PTK7: variants seen among roughly 807,000 people sequenced by gnomAD.
PTK7 encodes the protein inactive tyrosine-protein kinase 7.
PTK7 carries 39 observed loss-of-function variants against 116.6 expected under a neutral mutation model. That is an observed-to-expected ratio of 0.33 (90% CI 0.26 to 0.44). The LOEUF (loss-of-function observed/expected upper bound fraction) is 0.44. Ranked by LOEUF, PTK7 falls within the 20% of genes least tolerant of loss-of-function variation. The pLI, the probability that PTK7 is intolerant of heterozygous loss-of-function variation, is 1.00. For synonymous variants in PTK7, 546 were observed against 563.6 expected (o/e 0.97, Z 0.44); for missense variants, 1,169 against 1,425.6 (o/e 0.82, Z 2.90).
intron 1 of PTK7, among the ~76,000 whole-genome samples, chr6:43,110,334 G>A (rs1442227954): frequency 6.6e-6 from 1 of 151,592 alleles, no homozygotes; most frequent in East Asian, 1.9e-4. Flanking sequence ...TTTGTTTTGA[G>A]AACTCTTCAT....
chr6:43,139,203 C>T lies in PTK7; in HGVS notation c.1430C>T (p.Thr477Ile). 6.2e-7 allele frequency: 1 copy of T among 1,614,210 alleles called. No individual in the cohort carries two copies. Among genetic ancestry groups the T allele is most frequent in the Non-Finnish European group, 8.5e-7 (1 of 1,180,038 alleles). ...AACAGCGTGGAGGTGTATGATGGGA[C>T]ATGGTACCGTTGTATGAGCAGCACC... ...RINSVEVYDGTWYRCMSSTPA... is the reference protein window; with the variant it reads ...RINSVEVYDGIWYRCMSSTPA... The change falls in exon 9 of 20, where the codon ACA becomes ATA. Residue 477 changes from threonine to isoleucine, a missense_variant. Coordinates refer to ENST00000230419, the MANE Select transcript of PTK7 (RefSeq NM_002821.5). This position sits in a 1 kb window ranked among gnomAD's most constrained non-coding sequence, Gnocchi z 4.6.
In PTK7 at chr6:43,152,203, A is replaced by G. The variant is rs1394683601; in HGVS notation, c.2721+5505A>G. On this transcript the variant is annotated intron_variant, in intron 17 of 19. Coordinates refer to ENST00000230419, the MANE Select transcript of PTK7 (RefSeq NM_002821.5). ...CTGGTTACACATTTAGTTGAAAGCT[A>G]TCCTGAGATTTTATGTCTTCACTGT... Among the ~76,000 whole-genome samples, 4 of 145,400 alleles carry G rather than the reference A, an allele frequency of 2.8e-5. No homozygotes were observed. In the Admixed American group the frequency reaches 2.9e-4, roughly 10 times the overall value.
intron 1 of PTK7, among the ~76,000 whole-genome samples, chr6:43,121,383 C>T (rs1309677744): frequency 6.6e-6 from 1 of 152,228 alleles, no homozygotes; most frequent in Admixed American, 6.5e-5. Context: ...TTTCTCTAAT[C>T]TGGATGTGGG....
chr6:43,123,137 G>A (rs1414303761), intron 1 of PTK7, among the ~76,000 whole-genome samples: 6 of 151,540 alleles, frequency 4.0e-5, no homozygotes, highest in East Asian at 3.9e-4. Flanking sequence ...GACATCTGAC[G>A]GATGGCGTTT....
At chr6:43,096,750 G>C (rs1222333971) in intron 1 of PTK7, among the ~76,000 whole-genome samples, 1 of 152,262 alleles carries the variant, frequency 6.6e-6, no homozygotes, top group Non-Finnish European at 1.5e-5. Context: ...CTGCCTGCCT[G>C]TCCGGTAGGG....
At chr6:43,105,072 A>T (rs1767798305) in intron 1 of PTK7, among the ~76,000 whole-genome samples, 2 of 151,148 alleles carry the variant, frequency 1.3e-5, no homozygotes, top group South Asian at 4.2e-4. Context: ...CAGCCTCCCA[A>T]AGTGCTGGGA....
chr6:43,151,600 C>T (rs1307478279), intron 17 of PTK7, among the ~76,000 whole-genome samples: 1 of 148,492 alleles, frequency 6.7e-6, no homozygotes, highest in African/African-American at 2.5e-5. Flanking sequence ...GGCGCGATCT[C>T]GGCTCACTGC....
chr6:43,142,214 G>A lies in PTK7; in HGVS notation c.1962G>A (p.Val654=). ...FQNGSLVIHD[V]APEDSGRYTC... ...ATGGCTCCCTGGTGATCCATGACGT[G>A]GCCCCTGAGGACTCAGGCCGCTACA... Residue 654 remains valine (V), a synonymous_variant, in exon 13 of 20, where the codon GTG becomes GTA. Transcript: ENST00000230419. 1 of 1,614,128 alleles carries A rather than the reference G, an allele frequency of 6.2e-7. No homozygotes were observed. The highest frequency in any genetic ancestry group is 1.1e-5 in the South Asian group (1 of 91,074).
intron 1 of PTK7, among the ~76,000 whole-genome samples, chr6:43,114,051 G>A (rs1323126038): frequency 6.6e-6 from 1 of 152,110 alleles, no homozygotes; most frequent in African/African-American, 2.4e-5. Context: ...GGGCTGCTGG[G>A]GCGGGTGGTG....
At position 43,138,504 on chromosome 6, in the gene PTK7, T is replaced by C. The variant is rs925705163; in HGVS notation, c.1229-345T>C. 15 of 175,402 alleles carry C rather than the reference T, an allele frequency of 8.6e-5. 1 individual carries two copies. The East Asian group carries it at 2.3e-3, about 27-fold the overall frequency. The allele number at this position is 175,402 out of a possible 1,614,324, so 10.9% of individuals were successfully genotyped here. On this transcript the variant is annotated intron_variant, in intron 7 of 19. Coordinates refer to ENST00000230419, the MANE Select transcript of PTK7 (RefSeq NM_002821.5). ...AGCAAGACCCCATCACTACAGAAAATAAAAAAATTAGCCAAGTATTGTGGT... is the reference window on the plus strand; with the variant it reads ...AGCAAGACCCCATCACTACAGAAAACAAAAAAATTAGCCAAGTATTGTGGT...
At chr6:43,110,825 A>T (rs1389408395) in intron 1 of PTK7, among the ~76,000 whole-genome samples, 1 of 152,208 alleles carries the variant, frequency 6.6e-6, no homozygotes, top group East Asian at 1.9e-4. Context: ...GCTGACGGTC[A>T]TTTCTACCTT....
chr6:43,156,395 A>G (rs1405314818), intron 17 of PTK7, among the ~76,000 whole-genome samples: 1 of 151,942 alleles, frequency 6.6e-6, no homozygotes, highest in Non-Finnish European at 1.5e-5. Context: ...TGATCCCAGG[A>G]GTTTGAGACC....
At chr6:43,113,073 G>T (rs1466098475) in intron 1 of PTK7, among the ~76,000 whole-genome samples, 3 of 152,104 alleles carry the variant, frequency 2.0e-5, no homozygotes, top group Non-Finnish European at 4.4e-5. Flanking sequence ...TCCCATCTCA[G>T]CCTCCCAAAG....
intron 1 of PTK7, 133 bp from the exon 2 acceptor site, chr6:43,128,844 G>A: frequency 1.2e-6 from 1 of 832,774 alleles, no homozygotes; most frequent in Non-Finnish European, 1.8e-6. Flanking sequence ...GTGGCATCAT[G>A]ATCCTTCACA....
intron 1 of PTK7, among the ~76,000 whole-genome samples, chr6:43,125,900 T>G (rs1769261474): frequency 6.6e-6 from 1 of 152,064 alleles, no homozygotes; most frequent in Admixed American, 6.6e-5. Flanking sequence ...TCTGTGTGGG[T>G]GAGACTCCTG....
intron 7 of PTK7, among the ~76,000 whole-genome samples, chr6:43,137,780 T>A (rs753162626): frequency 2.6e-5 from 4 of 152,266 alleles, no homozygotes; most frequent in Admixed American, 1.3e-4. Flanking sequence ...CACCATTACT[T>A]CTTCTTTTTT....
At chr6:43,144,701 A>G in intron 15 of PTK7, 95 bp downstream of exon 15, 8 of 1,434,900 alleles carry the variant, frequency 5.6e-6, no homozygotes, top group Non-Finnish European at 4.7e-6. Flanking sequence ...AGTCCCTGAA[A>G]CCTAGAATGT....
At chr6:43,160,010 G>C (rs764716854) in intron 19 of PTK7, 44 bp downstream of exon 19, 14 of 1,582,952 alleles carry the variant, frequency 8.8e-6, no homozygotes, top group East Asian at 2.2e-5. Flanking sequence ...ATGGGCCCCA[G>C]ATGGGGCCTA....
Position 43,130,558 on chromosome 6 carries a change from G to A in PTK7, c.709G>A (p.Ala237Thr), listed in dbSNP as rs765136185. Residue 237 changes from alanine to threonine, a missense_variant, in exon 5 of 20, where the codon GCG (alanine) becomes ACG (threonine). By Grantham distance (58) the Ala-to-Thr change is moderately conservative. Around this residue, in one of 3 missense-constraint regions of PTK7, gnomAD observed 487 missense variants for 549.8 expected, o/e 0.89. Coordinates refer to ENST00000230419, the MANE Select transcript of PTK7 (RefSeq NM_002821.5). The part of the protein sequence containing the change: ...VVLAPQDVVV[A>T]RYEEAMFHCQ... Reference sequence around the variant, plus strand: ...GCTGGCACCCCAGGACGTGGTAGTAGCGAGGTATGAGGAGGCCATGTTCCA... The same window carrying A: ...GCTGGCACCCCAGGACGTGGTAGTAACGAGGTATGAGGAGGCCATGTTCCA... The A allele has an allele frequency of 5.6e-6, 9 of 1,614,120 alleles. No homozygotes were observed. Among genetic ancestry groups the A allele is most frequent in the Non-Finnish European group, 7.6e-6 (9 of 1,180,008 alleles).
Sources: gnomAD v4.1 joint callset for allele counts (sites outside exome capture counted in the v4.1 genomes callset) on GRCh38, gnomAD v4.1.1 for gene constraint, gnomAD v4.1.1 regional missense constraint, Gnocchi (gnomAD v3.1) non-coding constraint, MANE v1.5 for transcripts, NCBI Gene and HGNC (gene_info 2026-07-23, HGNC 2026-07-21) for gene names.